IL23R: variants seen among roughly 807,000 people sequenced by gnomAD.
IL23R encodes interleukin 23 receptor, also known as interleukin-23 receptor.
Under a neutral mutation model 56.9 loss-of-function variants are expected in IL23R, and 34 were observed. The ratio of observed to expected loss-of-function variants is 0.60; its 90% CI spans 0.45 to 0.80. The LOEUF (loss-of-function observed/expected upper bound fraction) is 0.80, where lower values mean the gene tolerates loss of function less well. IL23R is among the 30% of genes least tolerant of loss of function. The probability of loss-of-function intolerance (pLI) is 0.00; values close to 1 mark genes in which losing one functional copy is unlikely to be tolerated. For synonymous variants in IL23R, 230 were observed against 249.2 expected (o/e 0.92, Z 0.73); for missense variants, 635 against 730.0 (o/e 0.87, Z 1.50).
chr1:67,242,377 A>G (rs1651908544), intron 9 of IL23R, among the ~76,000 whole-genome samples: 1 of 152,218 alleles, frequency 6.6e-6, no homozygotes, highest in African/African-American at 2.4e-5. Context: ...ATACCCCATA[A>G]TACACACATA....
intron 6 of IL23R, among the ~76,000 whole-genome samples, chr1:67,218,731 A>G (rs1011872351): frequency 1.3e-5 from 2 of 151,772 alleles, no homozygotes; most frequent in Admixed American, 6.6e-5. Flanking sequence ...CAGCCTGGGC[A>G]ATATAATGAG....
chr1:67,258,524 A>G lies in IL23R; in HGVS notation c.1286A>G (p.Tyr429Cys). 1.9e-6 allele frequency: 3 copies of G among 1,607,110 alleles called. No homozygotes were observed. The highest frequency in any genetic ancestry group is 4.5e-5 in the East Asian group (2 of 44,840). The part of the protein sequence containing the change: ...MNNNSSEQVL[Y>C]VDPMITEIKE... ...AATAATTCCAGTGAGCAGGTCCTATATGTTGATCCCATGATTACAGAGATA... is the reference window on the plus strand; with the variant it reads ...AATAATTCCAGTGAGCAGGTCCTATGTGTTGATCCCATGATTACAGAGATA... The change falls in exon 11 of 11, where the codon TAT (tyrosine) becomes TGT (cysteine). Residue 429 changes from tyrosine (Y) to cysteine (C), a missense_variant. Coordinates refer to ENST00000347310, the MANE Select transcript of IL23R (RefSeq NM_144701.3).
intron 9 of IL23R, among the ~76,000 whole-genome samples, chr1:67,247,067 T>C (rs1297462246): frequency 1.3e-5 from 2 of 152,228 alleles, no homozygotes; most frequent in Non-Finnish European, 2.9e-5. Flanking sequence ...CATTATGTAA[T>C]GCCCTTCTTT....
chr1:67,150,381 T>G (rs926342012), intron 1 of IL23R, among the ~76,000 whole-genome samples: 1 of 151,368 alleles, frequency 6.6e-6, no homozygotes, highest in African/African-American at 2.4e-5. Context: ...TTTTAAGCCC[T>G]GCATGCATTA....
rs539424488 is a variant in IL23R, at chr1:67,224,335, C to T, written c.955+4605C>T. 6.0e-4 allele frequency among the ~76,000 whole-genome samples: 91 copies of T among 152,254 alleles called. 1 individual carries two copies. The highest frequency in any genetic ancestry group is 1.0e-4 in the Non-Finnish European group (7 of 68,020). On this transcript the variant is annotated intron_variant, in intron 7 of 10. Transcript: ENST00000347310. ...CTTGTTTGATAATGAGGTTTTTTGGCCAGCCAAACTTTTCCAGTGCTTAAA... is the reference window on the plus strand; with the variant it reads ...CTTGTTTGATAATGAGGTTTTTTGGTCAGCCAAACTTTTCCAGTGCTTAAA...
upstream of IL23R, among the ~76,000 whole-genome samples, chr1:67,162,735 T>C (rs966730663): frequency 3.9e-5 from 6 of 152,344 alleles, no homozygotes; most frequent in East Asian, 1.2e-3. Flanking sequence ...AGTATTTCCA[T>C]TTATCCATTT....
chr1:67,202,944 C>A (rs1357750043), intron 5 of IL23R, among the ~76,000 whole-genome samples: 1 of 152,070 alleles, frequency 6.6e-6, no homozygotes, highest in Non-Finnish European at 1.5e-5. Flanking sequence ...TATTGTATAT[C>A]CTTGGAGTTA....
chr1:67,175,716 C>G (rs1391090456), intron 3 of IL23R, among the ~76,000 whole-genome samples: 3 of 152,170 alleles, frequency 2.0e-5, no homozygotes, highest in Non-Finnish European at 4.4e-5. Context: ...GAACACCCAA[C>G]TTTTAAAATG....
chr1:67,139,702 G>A (rs1450262542), intron 1 of IL23R, among the ~76,000 whole-genome samples: 1 of 152,098 alleles, frequency 6.6e-6, no homozygotes, highest in Non-Finnish European at 1.5e-5. Context: ...GAGAGGTGAG[G>A]CCTTAATTTA....
At chr1:67,176,213 G>C (rs1647006058) in intron 3 of IL23R, among the ~76,000 whole-genome samples, 1 of 152,140 alleles carries the variant, frequency 6.6e-6, no homozygotes, top group Non-Finnish European at 1.5e-5. Context: ...CTCTTTAAAA[G>C]TGTTTAGCTG....
intron 9 of IL23R, among the ~76,000 whole-genome samples, chr1:67,252,392 C>A (rs534390122): frequency 6.6e-6 from 1 of 152,164 alleles, no homozygotes; most frequent in Non-Finnish European, 1.5e-5. Flanking sequence ...CTAATTGGAT[C>A]CTAGCCTGTT....
upstream of IL23R, among the ~76,000 whole-genome samples, chr1:67,166,244 G>T (rs1344203023): frequency 6.6e-6 from 1 of 152,182 alleles, no homozygotes; most frequent in Non-Finnish European, 1.5e-5. Flanking sequence ...CCTCTTGGAT[G>T]AGACCATTTT....
chr1:67,154,766 T>C (rs1224726865), intron 1 of IL23R, among the ~76,000 whole-genome samples: 1 of 152,220 alleles, frequency 6.6e-6, no homozygotes, highest in African/African-American at 2.4e-5. Flanking sequence ...TGTCTTTTAA[T>C]TGGGGCATTT....
intron 7 of IL23R, among the ~76,000 whole-genome samples, chr1:67,228,063 C>T (rs1481105258): frequency 9.0e-5 from 8 of 88,494 alleles, no homozygotes; most frequent in East Asian, 4.4e-4. Context: ...CTTTCTTTCT[C>T]TGTCTCTCTC....
At chr1:67,172,699 T>C (rs1646958523) in intron 3 of IL23R, among the ~76,000 whole-genome samples, 1 of 152,232 alleles carries the variant, frequency 6.6e-6, no homozygotes, top group African/African-American at 2.4e-5. Flanking sequence ...TTTACAATGA[T>C]GAAAGCACAT....
intron 9 of IL23R, among the ~76,000 whole-genome samples, chr1:67,253,459 G>A (rs1400013866): frequency 6.6e-6 from 1 of 152,162 alleles, no homozygotes; most frequent in Non-Finnish European, 1.5e-5. Flanking sequence ...TTGGCACTGA[G>A]TTTCTCCTTC....
At chr1:67,189,257 T>G (rs1647571779) in intron 4 of IL23R, among the ~76,000 whole-genome samples, 1 of 152,158 alleles carries the variant, frequency 6.6e-6, no homozygotes, top group Non-Finnish European at 1.5e-5. Flanking sequence ...TGACACATAG[T>G]AAATGCTCAA....
chr1:67,142,272 A>C (rs1646645157), intron 1 of IL23R, among the ~76,000 whole-genome samples: 1 of 152,188 alleles, frequency 6.6e-6, no homozygotes, highest in East Asian at 1.9e-4. Context: ...AAATTAAATT[A>C]AAAAGAATAT....
intron 7 of IL23R, among the ~76,000 whole-genome samples, chr1:67,236,477 C>CT (rs1231477191): frequency 2.6e-5 from 4 of 152,198 alleles, no homozygotes; most frequent in African/African-American, 9.7e-5. Context: ...GTTTTACAAC[C>CT]TAGGTAGATT....
Sources: gnomAD v4.1 joint callset for allele counts (sites outside exome capture counted in the v4.1 genomes callset) on GRCh38, gnomAD v4.1.1 for gene constraint, MANE v1.5 for transcripts, NCBI Gene and HGNC (gene_info 2026-07-23, HGNC 2026-07-21) for gene names.